Variants in SLC24A3 observed in about 807,000 individuals in gnomAD.
SLC24A3 encodes solute carrier family 24 member 3, also known as sodium/potassium/calcium exchanger 3.
A neutral mutation model predicts 75.8 loss-of-function variants in SLC24A3; 28 were observed. That is an observed-to-expected ratio of 0.37 (90% CI 0.27 to 0.51). The LOEUF (loss-of-function observed/expected upper bound fraction) is 0.51, where lower values mean the gene tolerates loss of function less well. Ranked by LOEUF, SLC24A3 falls within the 20% of genes least tolerant of loss-of-function variation. The pLI, the probability that SLC24A3 is intolerant of heterozygous loss-of-function variation, is 0.94. For synonymous variants in SLC24A3, 372 were observed against 334.1 expected, an observed-to-expected ratio of 1.11 and a Z score of -1.24; for missense variants, 663 against 847.8, an observed-to-expected ratio of 0.78 and a Z score of 2.71.
chr20:19,552,444 T>C (rs925655444), intron 3 of SLC24A3, among the ~76,000 whole-genome samples: 1 of 152,208 alleles, frequency 6.6e-6, no homozygotes, highest in African/African-American at 2.4e-5. Flanking sequence ...TCCAGGTCTT[T>C]AGAATATAGC....
At chr20:19,605,754 G>A (rs548647377) in intron 6 of SLC24A3, among the ~76,000 whole-genome samples, 292 of 152,228 alleles carry the variant, frequency 1.9e-3, no homozygotes, top group Middle Eastern at 3.4e-3. Flanking sequence ...CCCATCGAAC[G>A]TGCCAAACCA....
intron 15 of SLC24A3, among the ~76,000 whole-genome samples, chr20:19,711,796 T>C (rs1442273809): frequency 2.6e-5 from 4 of 152,098 alleles, no homozygotes; most frequent in Non-Finnish European, 5.9e-5. Flanking sequence ...CGCATCGCCA[T>C]GCCCAGCTAA....
At chr20:19,716,880 A>G (rs983755262) in intron 15 of SLC24A3, among the ~76,000 whole-genome samples, 2 of 152,154 alleles carry the variant, frequency 1.3e-5, no homozygotes, top group African/African-American at 4.8e-5. Context: ...TCTCAAAAAA[A>G]AAGAAGGAAC....
chr20:19,641,250 A>G (rs1347223997), intron 6 of SLC24A3, among the ~76,000 whole-genome samples: 1 of 152,068 alleles, frequency 6.6e-6, no homozygotes, highest in Non-Finnish European at 1.5e-5. Context: ...CCCATCTGAG[A>G]TCTCTGTCCA....
intron 2 of SLC24A3, among the ~76,000 whole-genome samples, chr20:19,401,498 C>A (rs1986551872): frequency 1.3e-5 from 2 of 152,152 alleles, no homozygotes; most frequent in African/African-American, 4.8e-5. Flanking sequence ...CTTTGGGGAT[C>A]ATCTACTTTG....
chr20:19,532,415 T>G (rs996292524), intron 3 of SLC24A3, among the ~76,000 whole-genome samples: 17 of 152,286 alleles, frequency 1.1e-4, no homozygotes, highest in African/African-American at 3.8e-4. Flanking sequence ...GGTGCCCAAG[T>G]CCACTGTGGT....
intron 2 of SLC24A3, among the ~76,000 whole-genome samples, chr20:19,475,446 T>C (rs1487558435): frequency 6.6e-6 from 1 of 152,122 alleles, no homozygotes; most frequent in Admixed American, 6.5e-5. Context: ...CAAAGATAAC[T>C]GCTATTATTT....
At chr20:19,471,719 G>A (rs1222803325) in intron 2 of SLC24A3, among the ~76,000 whole-genome samples, 1 of 152,156 alleles carries the variant, frequency 6.6e-6, no homozygotes, top group East Asian at 1.9e-4. Context: ...AAAGTGTGTA[G>A]TAGATAGAGG....
At chr20:19,337,320 T>G (rs1985158172) in intron 2 of SLC24A3, among the ~76,000 whole-genome samples, 1 of 152,138 alleles carries the variant, frequency 6.6e-6, no homozygotes, top group Non-Finnish European at 1.5e-5. Flanking sequence ...GGCACATGTC[T>G]GTAATCCCAG....
At chr20:19,608,382 G>T (rs2031626188) in intron 6 of SLC24A3, among the ~76,000 whole-genome samples, 1 of 152,168 alleles carries the variant, frequency 6.6e-6, no homozygotes, top group African/African-American at 2.4e-5. Context: ...TGAAGTTACT[G>T]GTTGGTAAAT....
intron 3 of SLC24A3, among the ~76,000 whole-genome samples, chr20:19,557,188 C>T (rs765871680): frequency 2.6e-5 from 4 of 152,098 alleles, no homozygotes; most frequent in Non-Finnish European, 5.9e-5. Flanking sequence ...GGCTTTTATC[C>T]GCTAGATAAA....
At chr20:19,517,368 T>A (rs2030016471) in intron 3 of SLC24A3, among the ~76,000 whole-genome samples, 1 of 152,162 alleles carries the variant, frequency 6.6e-6, no homozygotes, top group Non-Finnish European at 1.5e-5. Flanking sequence ...TCTCCCCACC[T>A]CCATCTCCCC....
At chr20:19,316,860 G>A (rs903527579) in intron 2 of SLC24A3, among the ~76,000 whole-genome samples, 1 of 152,124 alleles carries the variant, frequency 6.6e-6, no homozygotes, top group South Asian at 2.1e-4. Flanking sequence ...AAGTTCAGGG[G>A]TACATGTGCA....
At chr20:19,290,059 C>G (rs1983901805) in intron 2 of SLC24A3, among the ~76,000 whole-genome samples, 1 of 152,176 alleles carries the variant, frequency 6.6e-6, no homozygotes, top group Non-Finnish European at 1.5e-5. Context: ...CCACCAGCAG[C>G]AGCAGCCCCT....
chr20:19,345,660 A>G (rs1310632477), intron 2 of SLC24A3, among the ~76,000 whole-genome samples: 5 of 152,236 alleles, frequency 3.3e-5, no homozygotes, highest in Non-Finnish European at 7.3e-5. Flanking sequence ...AAGAAGATAT[A>G]CAAATGGCCA....
intron 3 of SLC24A3, among the ~76,000 whole-genome samples, chr20:19,522,527 G>A (rs141622792): frequency 1.5e-4 from 23 of 152,334 alleles, no homozygotes; most frequent in African/African-American, 2.6e-4. Flanking sequence ...CATCAATAAA[G>A]TGGGAACGCA....
intron 2 of SLC24A3, among the ~76,000 whole-genome samples, chr20:19,442,219 T>A (rs1987309380): frequency 1.3e-5 from 2 of 152,230 alleles, no homozygotes; most frequent in Non-Finnish European, 2.9e-5. Context: ...TAGGTAAATA[T>A]CAAGGAACAC....
chr20:19,390,064 T>G (rs1332934132), intron 2 of SLC24A3, among the ~76,000 whole-genome samples: 1 of 152,174 alleles, frequency 6.6e-6, no homozygotes. Flanking sequence ...TTTTTGTTGT[T>G]TCCTTTTTAT....
intron 6 of SLC24A3, among the ~76,000 whole-genome samples, chr20:19,599,444 T>G (rs1270631774): frequency 6.6e-6 from 1 of 151,996 alleles, no homozygotes; most frequent in Non-Finnish European, 1.5e-5. Flanking sequence ...GGCCTGCATG[T>G]GTGATGCGGT....
Sources: gnomAD v4.1 joint callset for allele counts (sites outside exome capture counted in the v4.1 genomes callset) on GRCh38, gnomAD v4.1.1 for gene constraint, MANE v1.5 for transcripts, NCBI Gene and HGNC (gene_info 2026-07-23, HGNC 2026-07-21) for gene names.